Variants in NIPBL observed in about 807,000 individuals in gnomAD.
NIPBL encodes the protein NIPBL cohesin loading factor, also known as nipped-B-like protein.
A neutral mutation model predicts 321.8 loss-of-function variants in NIPBL; 19 were observed. That is an observed-to-expected ratio of 0.06 (90% confidence interval 0.04 to 0.09). NIPBL has a LOEUF of 0.09. Among genes scored for constraint, NIPBL ranks in the 10% least tolerant of loss-of-function variants. The pLI is 1.00. For synonymous variants in NIPBL, 1,106 were observed against 1,114.1 expected (o/e 0.99, Z 0.14); for missense variants, 2,210 against 3,327.0 (o/e 0.66, Z 8.26).
chr5:36,934,718 G>C (rs1438106113), intron 1 of NIPBL, among the ~76,000 whole-genome samples: 1 of 151,794 alleles, frequency 6.6e-6, no homozygotes, highest in Non-Finnish European at 1.5e-5. Flanking sequence ...TGCCAAAAAA[G>C]AATCATGAAT....
At chr5:37,034,105 C>A (rs574301646) in intron 32 of NIPBL, among the ~76,000 whole-genome samples, 6 of 152,104 alleles carry the variant, frequency 3.9e-5, no homozygotes, top group Admixed American at 1.3e-4. Flanking sequence ...ATAGGCATTT[C>A]ATGGAGAAAA....
chr5:36,955,194 G>A (rs557222993), intron 2 of NIPBL, among the ~76,000 whole-genome samples: 1 of 152,018 alleles, frequency 6.6e-6, no homozygotes, highest in South Asian at 2.1e-4. Context: ...TGCCTTTTTC[G>A]CTAGTCATTT....
At position 37,045,602 on chromosome 5, in the gene NIPBL, AG is replaced by A. The variant is rs1752887499; in HGVS notation, c.6498+7del. ...GATTTTAAAGGCAACAGCAAGGTAA[AG>A]GTAGTAATACTTAAAATGCTATAAA... On this transcript the variant is annotated splice_donor_region_variant and intron_variant, in intron 37 of 46. Coordinates refer to ENST00000282516, the MANE Select transcript of NIPBL (RefSeq NM_133433.4). 1 of 1,613,170 alleles carries A rather than the reference AG, an allele frequency of 6.2e-7. No individual in the cohort carries two copies. Among genetic ancestry groups the A allele is most frequent in the Non-Finnish European group, 8.5e-7 (1 of 1,179,288 alleles).
intron 45 of NIPBL, among the ~76,000 whole-genome samples, chr5:37,062,698 T>G (rs1391349607): frequency 6.6e-6 from 1 of 152,196 alleles, no homozygotes; most frequent in South Asian, 2.1e-4. Flanking sequence ...TGTAGGAGGT[T>G]TGCTTGAGTC....
chr5:36,986,581 T>C lies in NIPBL; in HGVS notation c.3121+280T>C, dbSNP rs1744833631. On this transcript the variant is annotated intron_variant, in intron 10 of 46. Coordinates refer to ENST00000282516, the MANE Select transcript of NIPBL (RefSeq NM_133433.4). ...GATAAGTTATTTTGCTGTTTAGTTATTTCTTATATTTCTGAAATATGCTTA... is the reference window on the plus strand; with the variant it reads ...GATAAGTTATTTTGCTGTTTAGTTACTTCTTATATTTCTGAAATATGCTTA... 2.6e-5 allele frequency among the ~76,000 whole-genome samples: 4 copies of C among 152,270 alleles called. No individual in the cohort carries two copies. The South Asian group carries it at 8.3e-4, about 32-fold the overall frequency.
chr5:36,901,797 C>T (rs1004387789), intron 1 of NIPBL, among the ~76,000 whole-genome samples: 2 of 152,192 alleles, frequency 1.3e-5, no homozygotes, highest in Admixed American at 6.5e-5. Context: ...GGGTGAGCCA[C>T]TGCACCCAGC....
At chr5:37,003,118 T>G in intron 15 of NIPBL, 143 bp from the exon 16 acceptor site, 1 of 563,480 alleles carries the variant, frequency 1.8e-6, no homozygotes, top group South Asian at 2.8e-5. Context: ...GTAGAAGTTC[T>G]AAGTGGGAAA....
Position 36,962,270 on chromosome 5 carries a change from A to T in NIPBL, c.606A>T (p.Gln202His), listed in dbSNP as rs1233849776. 4 of 1,614,060 alleles carry T rather than the reference A, an allele frequency of 2.5e-6. 1 individual carries two copies. In the South Asian group the frequency reaches 3.3e-5, roughly 13 times the overall value. The change falls in exon 6 of 47, where the codon CAA becomes CAT. Residue 202 changes from glutamine (Q) to histidine (H), a missense_variant. Gln to His is a conservative substitution (Grantham distance 24). Transcript: ENST00000282516. ...GTTACACAACACATCCACAGATGCA[A>T]CAAGGTAAGAAAGTTGTTTGTAACT... ...PSSYTTHPQM[Q>H]QASVSSPIVA...
At chr5:36,877,209 C>T (rs1745136313) in intron 1 of NIPBL, 31 bp downstream of exon 1, 3 of 189,430 alleles carry the variant, frequency 1.6e-5, no homozygotes, top group Non-Finnish European at 2.2e-5. Flanking sequence ...TCGGCGGCGG[C>T]GGCGGCGGCG....
chr5:36,909,494 T>A (rs1747884510), intron 1 of NIPBL, among the ~76,000 whole-genome samples: 1 of 152,108 alleles, frequency 6.6e-6, no homozygotes, highest in Non-Finnish European at 1.5e-5. Flanking sequence ...AATTACGCAT[T>A]TGTCATTAAC....
At chr5:37,044,267 C>G in intron 34 of NIPBL, 80 bp from the exon 35 acceptor site, 1 of 1,297,788 alleles carries the variant, frequency 7.7e-7, no homozygotes, top group Non-Finnish European at 1.1e-6. Context: ...TGCCCTATTT[C>G]TGCCCCCAAA....
intron 32 of NIPBL, among the ~76,000 whole-genome samples, chr5:37,033,381 A>G (rs887254122): frequency 2.6e-5 from 4 of 152,102 alleles, no homozygotes; most frequent in Admixed American, 6.6e-5. Flanking sequence ...TTACATAATT[A>G]AGAGCAGTAA....
At chr5:37,018,053 C>A in intron 24 of NIPBL, among the ~76,000 whole-genome samples, 1 of 152,174 alleles carries the variant, frequency 6.6e-6, no homozygotes, top group East Asian at 1.9e-4. Context: ...ATCCCCTTGA[C>A]AAGTAACACC....
rs199508078 is a variant in NIPBL at position 37,060,951 on chromosome 5, G to A, written c.7793G>A (p.Arg2598Gln). 12 of 1,614,066 alleles carry A rather than the reference G, an allele frequency of 7.4e-6. No homozygotes were observed. Among genetic ancestry groups the A allele is most frequent in the East Asian group, 6.7e-5 (3 of 44,858 alleles). ...FHPKQTLDFL[R>Q]SDMANSKITE... ...CCAAAACAAACACTGGACTTCCTGCGGAGTGACATGGCTAATTCCAAAATC... is the reference window on the plus strand; with the variant it reads ...CCAAAACAAACACTGGACTTCCTGCAGAGTGACATGGCTAATTCCAAAATC... Residue 2598 changes from arginine (R) to glutamine (Q), a missense_variant, in exon 45 of 47, where the codon CGG becomes CAG. Physicochemically the swap from Arg to Gln is conservative, Grantham distance 43. Transcript: ENST00000282516.
At chr5:37,029,752 TGTG>T (rs1433199108) in intron 32 of NIPBL, among the ~76,000 whole-genome samples, 5 of 152,210 alleles carry the variant, frequency 3.3e-5, no homozygotes, top group African/African-American at 7.2e-5. Flanking sequence ...GCCATTTTGG[TGTG>T]GTGGTAAAAG....
In NIPBL at chr5:36,986,069, G is replaced by A; in HGVS notation, c.2889G>A (p.Arg963=). Reference sequence around the variant, plus strand: ...ATTTTGTCATTCCGAAAATCAAGAGGGATAAAGATGGCAATGTTACTCAGG... The same window carrying A: ...ATTTTGTCATTCCGAAAATCAAGAGAGATAAAGATGGCAATGTTACTCAGG... ...LKNFVIPKIK[R]DKDGNVTQET... is the part of the protein sequence containing the mutation. The change falls in exon 10 of 47, where the codon AGG becomes AGA. Residue 963 remains arginine, a synonymous_variant. Transcript: ENST00000282516. 1 of 1,613,764 alleles carries A rather than the reference G, an allele frequency of 6.2e-7. No individual in the cohort carries two copies. Among genetic ancestry groups the A allele is most frequent in the Non-Finnish European group, 8.5e-7 (1 of 1,179,920 alleles).
At chr5:37,005,726 A>G (rs1747351788) in intron 16 of NIPBL, among the ~76,000 whole-genome samples, 1 of 152,130 alleles carries the variant, frequency 6.6e-6, no homozygotes, top group African/African-American at 2.4e-5. Flanking sequence ...TGATAGAAGG[A>G]TTTTTACTTT....
At chr5:36,914,434 C>T (rs1748298273) in intron 1 of NIPBL, among the ~76,000 whole-genome samples, 1 of 147,626 alleles carries the variant, frequency 6.8e-6, no homozygotes, top group Admixed American at 6.6e-5. Context: ...AAATCCAAAA[C>T]TTTTTGAGTG....
At chr5:37,048,960 C>CAA in intron 39 of NIPBL, 151 bp from the exon 40 acceptor site, 1 of 796,726 alleles carries the variant, frequency 1.3e-6, no homozygotes, top group Admixed American at 2.0e-5. Context: ...CACACACACA[C>CAA]ACACACACAC....
Sources: allele counts gnomAD v4.1 joint callset (sites outside exome capture counted in the v4.1 genomes callset), GRCh38; gene constraint gnomAD v4.1.1; transcripts MANE v1.5; gene names NCBI Gene and HGNC (gene_info 2026-07-23, HGNC 2026-07-21).